SDK1: variants seen among roughly 807,000 people sequenced by gnomAD.
SDK1 encodes protein sidekick-1.
Under a neutral mutation model 245.5 loss-of-function variants are expected in SDK1, and 157 were observed. The ratio of observed to expected loss-of-function variants is 0.64; its 90% CI spans 0.56 to 0.73. The LOEUF (loss-of-function observed/expected upper bound fraction) is 0.73, where lower values mean the gene tolerates loss of function less well. SDK1 is among the 30% of genes least tolerant of loss of function. The pLI, the probability that SDK1 is intolerant of heterozygous loss-of-function variation, is 0.00. For synonymous variants in SDK1, 1,647 were observed against 1,278.5 expected (o/e 1.29, Z -6.15); for missense variants, 3,583 against 3,002.3 (o/e 1.19, Z -4.52).
intron 1 of SDK1, among the ~76,000 whole-genome samples, chr7:3,456,468 T>G (rs997806078): frequency 1.3e-5 from 2 of 152,222 alleles, no homozygotes; most frequent in Non-Finnish European, 2.9e-5. Flanking sequence ...GTTCACTGAT[T>G]TTATGCTTTG....
At chr7:4,171,222 C>T (rs932072258) in intron 32 of SDK1, among the ~76,000 whole-genome samples, 2 of 152,322 alleles carry the variant, frequency 1.3e-5, no homozygotes, top group East Asian at 1.9e-4. Flanking sequence ...CCTTGCTGAT[C>T]GTCTGCCGCC....
chr7:3,623,956 A>G (rs1458663008), intron 2 of SDK1, among the ~76,000 whole-genome samples: 4 of 152,230 alleles, frequency 2.6e-5, no homozygotes, highest in Non-Finnish European at 4.4e-5. Context: ...GTTAAGGGAA[A>G]GGTTATTTTT....
At position 3,796,460 on chromosome 7, in the gene SDK1, G is replaced by A. The variant is rs142578513; in HGVS notation, c.714-24990G>A. The stretch of plus-strand genomic sequence containing the variant: ...ACGCAGAGCTCCTCAAGGGCAGGGC[G>A]ACCCCTGCACATTCCCTGCCCAGAG... On this transcript the variant is annotated intron_variant, in intron 4 of 44. Transcript: ENST00000404826. 2.5e-3 allele frequency among the ~76,000 whole-genome samples: 375 copies of A among 152,248 alleles called. 2 individuals are homozygous for A. Among genetic ancestry groups the A allele is most frequent in the African/African-American group, 8.7e-3 (360 of 41,536 alleles).
intron 1 of SDK1, among the ~76,000 whole-genome samples, chr7:3,315,282 A>G (rs1401430063): frequency 1.3e-5 from 2 of 152,224 alleles, no homozygotes; most frequent in African/African-American, 4.8e-5. Flanking sequence ...GGCATCAGGC[A>G]TTGTGCTAAG....
intron 1 of SDK1, among the ~76,000 whole-genome samples, chr7:3,344,425 C>T (rs1033896047): frequency 3.9e-5 from 6 of 152,046 alleles, no homozygotes; most frequent in African/African-American, 9.7e-5. Flanking sequence ...AAGAAAATTC[C>T]GACTTACTTA....
intron 22 of SDK1, among the ~76,000 whole-genome samples, chr7:4,081,348 A>G (rs1335498899): frequency 6.6e-6 from 1 of 152,142 alleles, no homozygotes; most frequent in Non-Finnish European, 1.5e-5. Flanking sequence ...GGGAAAGACA[A>G]GGAGTGATGT....
At chr7:3,531,110 C>G (rs1783330908) in intron 1 of SDK1, among the ~76,000 whole-genome samples, 1 of 152,122 alleles carries the variant, frequency 6.6e-6, no homozygotes, top group South Asian at 2.1e-4. Flanking sequence ...CTAATATGAA[C>G]TCTGCTTTGA....
chr7:3,804,209 A>G (rs937152747), intron 4 of SDK1, among the ~76,000 whole-genome samples: 1 of 152,158 alleles, frequency 6.6e-6, no homozygotes, highest in Non-Finnish European at 1.5e-5. Context: ...TCTCCTAAAA[A>G]TTTTACAGTT....
chr7:4,065,691 GTTGTTTTTTTTT>G (rs1779839842), intron 19 of SDK1, among the ~76,000 whole-genome samples: 2 of 29,472 alleles, frequency 6.8e-5, no homozygotes, highest in African/African-American at 3.4e-4. Flanking sequence ...ATGAGTGGTT[GTTGTTTTTTTTT>G]TTTTTTTTTT....
intron 1 of SDK1, among the ~76,000 whole-genome samples, chr7:3,451,282 G>C (rs1031942075): frequency 6.6e-6 from 1 of 151,582 alleles, no homozygotes; most frequent in Non-Finnish European, 1.5e-5. Context: ...AGGAAAAATA[G>C]GGACCGCTTT....
At chr7:3,653,795 A>G (rs1402099121) in intron 4 of SDK1, among the ~76,000 whole-genome samples, 1 of 152,036 alleles carries the variant, frequency 6.6e-6, no homozygotes, top group African/African-American at 2.4e-5. Context: ...TCCTTTGGGT[A>G]TTTGGCTGCA....
At chr7:3,944,660 A>G (rs904984831) in intron 5 of SDK1, among the ~76,000 whole-genome samples, 16 of 152,240 alleles carry the variant, frequency 1.1e-4, no homozygotes, top group African/African-American at 3.9e-4. Context: ...AAAAGCCATC[A>G]TGGCAGGTAA....
intron 9 of SDK1, among the ~76,000 whole-genome samples, chr7:3,966,969 G>T (rs1323310263): frequency 2.0e-5 from 3 of 152,084 alleles, no homozygotes; most frequent in African/African-American, 7.2e-5. Context: ...TATAGGCATG[G>T]GCTACCTTTC....
chr7:3,624,073 G>C (rs1027768309), intron 2 of SDK1, among the ~76,000 whole-genome samples: 1 of 152,140 alleles, frequency 6.6e-6, no homozygotes, highest in African/African-American at 2.4e-5. Context: ...TGGAAAGTGC[G>C]TAATGAGATA....
At chr7:3,679,332 C>T (rs1047457453) in intron 4 of SDK1, among the ~76,000 whole-genome samples, 6 of 151,426 alleles carry the variant, frequency 4.0e-5, no homozygotes, top group Admixed American at 6.6e-5. Flanking sequence ...TTTGGGAGGC[C>T]GAGGCGGGTG....
rs1786749964 is a variant in SDK1, at chr7:4,019,961, T to C, written c.2602+2609T>C. Among the ~76,000 whole-genome samples the C allele has an allele frequency of 4.6e-5, 7 of 152,288 alleles. 1 individual carries two copies. The South Asian group carries it at 1.5e-3, about 32-fold the overall frequency. ...CCTCTCTGGATGTCTCGGACTCCCGTGTGCTCAGTGGGATGGTAAATGCCT... is the reference window on the plus strand; with the variant it reads ...CCTCTCTGGATGTCTCGGACTCCCGCGTGCTCAGTGGGATGGTAAATGCCT... On this transcript the variant is annotated intron_variant, in intron 17 of 44. Coordinates refer to ENST00000404826, the MANE Select transcript of SDK1 (RefSeq NM_152744.4).
chr7:3,639,035 G>A lies in SDK1; in HGVS notation c.490G>A (p.Ala164Thr), dbSNP rs888444177. Reference sequence around the variant, plus strand: ...TATTCCATCTTTGCAGAAGCTCGATGCTGGGTTTTACCGCTGCGTGGTGCG... The same window carrying A: ...TATTCCATCTTTGCAGAAGCTCGATACTGGGTTTTACCGCTGCGTGGTGCG... ...YIIPSLQKLDAGFYRCVVRNR... is the reference protein window; with the variant it reads ...YIIPSLQKLDTGFYRCVVRNR... Residue 164 changes from alanine to threonine, a missense_variant, in exon 3 of 45, where the codon GCT becomes ACT. By Grantham distance (58) the Ala-to-Thr change is moderately conservative. Coordinates refer to ENST00000404826, the MANE Select transcript of SDK1 (RefSeq NM_152744.4). The A allele has an allele frequency of 3.1e-6, 5 of 1,605,590 alleles. No homozygotes were observed. The highest frequency in any genetic ancestry group is 4.3e-6 in the Non-Finnish European group (5 of 1,173,712).
At chr7:4,149,820 G>A (rs1251962371) in intron 30 of SDK1, among the ~76,000 whole-genome samples, 1 of 152,190 alleles carries the variant, frequency 6.6e-6, no homozygotes, top group Non-Finnish European at 1.5e-5. Context: ...GGACCATGTG[G>A]AGGAGGGCTG....
intron 20 of SDK1, 70 bp from the exon 21 acceptor site, chr7:4,076,928 G>C: frequency 2.9e-6 from 4 of 1,356,144 alleles, no homozygotes; most frequent in Admixed American, 1.8e-5. Flanking sequence ...TGCAACGATG[G>C]TGCTGTGGAA....
Sources: allele counts gnomAD v4.1 joint callset (sites outside exome capture counted in the v4.1 genomes callset), GRCh38; gene constraint gnomAD v4.1.1; transcripts MANE v1.5; gene names NCBI Gene and HGNC (gene_info 2026-07-23, HGNC 2026-07-21).